AP3B1: variants seen among roughly 807,000 people sequenced by gnomAD.
AP3B1 encodes the protein adaptor related protein complex 3 subunit beta 1.
Under a neutral mutation model 132.5 loss-of-function variants are expected in AP3B1, and 61 were observed. The observed-to-expected ratio is 0.46, with a 90% confidence interval of 0.37 to 0.57. The LOEUF is 0.57. AP3B1 is among the 20% of genes least tolerant of loss of function. The pLI is 0.00. For synonymous variants in AP3B1, 388 were observed against 438.3 expected (o/e 0.89, Z 1.43); for missense variants, 1,120 against 1,289.4 (o/e 0.87, Z 2.01).
At chr5:78,135,787 A>C (rs1752886649) in intron 15 of AP3B1, among the ~76,000 whole-genome samples, 1 of 152,202 alleles carries the variant, frequency 6.6e-6, no homozygotes, top group African/African-American at 2.4e-5. Context: ...TTAAATTGTT[A>C]TTAATTTGTT....
At chr5:78,034,086 A>G (rs1343880625) in intron 24 of AP3B1, among the ~76,000 whole-genome samples, 4 of 151,974 alleles carry the variant, frequency 2.6e-5, no homozygotes, top group Non-Finnish European at 5.9e-5. Flanking sequence ...TAAGTTAAAA[A>G]TTACTTAGTA....
intron 7 of AP3B1, among the ~76,000 whole-genome samples, chr5:78,198,604 G>T (rs1745164893): frequency 6.6e-6 from 1 of 152,118 alleles, no homozygotes; most frequent in Admixed American, 6.6e-5. Flanking sequence ...TTGCCTTTAA[G>T]AATACCAACT....
chr5:78,158,736 G>A (rs1049256715), intron 13 of AP3B1, among the ~76,000 whole-genome samples: 5 of 149,718 alleles, frequency 3.3e-5, no homozygotes, highest in African/African-American at 7.4e-5. Context: ...TGCTCTTGTC[G>A]CTGAGGCTGG....
At chr5:78,170,773 T>C (rs939318345) in intron 11 of AP3B1, among the ~76,000 whole-genome samples, 1 of 152,230 alleles carries the variant, frequency 6.6e-6, no homozygotes, top group Non-Finnish European at 1.5e-5. Flanking sequence ...TTTGTTACCA[T>C]TGCTTTTGGT....
At chr5:78,241,010 T>C (rs879093880) in intron 2 of AP3B1, 74 bp from the exon 3 acceptor site, 9 of 1,058,778 alleles carry the variant, frequency 8.5e-6, no homozygotes, top group Middle Eastern at 2.7e-4. Flanking sequence ...GGTCAACAAA[T>C]AAGCTACGTA....
intron 1 of AP3B1, among the ~76,000 whole-genome samples, chr5:78,280,884 T>G (rs1316051102): frequency 1.3e-5 from 2 of 152,194 alleles, no homozygotes; most frequent in Non-Finnish European, 2.9e-5. Context: ...GTTCTAGACA[T>G]CTGTAGCACA....
Position 78,125,266 on chromosome 5 carries a change from T to C in AP3B1, c.1968+2764A>G, listed in dbSNP as rs1316243651. The stretch of plus-strand genomic sequence containing the variant: ...GGGATCATAATATAAATATATATTA[T>C]ATCCTATATCCTAGAAATGGTGGTG... On this transcript the variant is annotated intron_variant, in intron 17 of 26. Transcript: ENST00000255194. Among the ~76,000 whole-genome samples the C allele has an allele frequency of 2.0e-5, 3 of 152,248 alleles. No homozygotes were observed. The East Asian group carries it at 5.8e-4, about 29-fold the overall frequency.
chr5:78,214,991 A>C (rs1182410850), intron 7 of AP3B1, among the ~76,000 whole-genome samples: 1 of 152,158 alleles, frequency 6.6e-6, no homozygotes, highest in Middle Eastern at 3.2e-3. Flanking sequence ...AAAATTTCTA[A>C]ACAGTTTTTA....
Position 78,129,077 on chromosome 5 carries a change from A to G in AP3B1, c.1837+44T>C, listed in dbSNP as rs137931505. 503 of 1,533,646 alleles carry G rather than the reference A, an allele frequency of 3.3e-4. 2 individuals are homozygous for G. In the African/African-American group the frequency reaches 5.8e-3, roughly 18 times the overall value. The stretch of plus-strand genomic sequence containing the variant: ...TTAGAAATGGCAACATCTTGTCATA[A>G]TTTTTTAGATAACATATATTTTGGA... On this transcript the variant is annotated intron_variant, in intron 16 of 26. Coordinates refer to ENST00000255194, the MANE Select transcript of AP3B1 (RefSeq NM_003664.5).
intron 24 of AP3B1, among the ~76,000 whole-genome samples, chr5:78,027,502 A>T (rs1425583139): frequency 1.3e-5 from 2 of 152,054 alleles, no homozygotes; most frequent in East Asian, 1.9e-4. Flanking sequence ...GACTTTTTTC[A>T]CTAAAAATGT....
chr5:78,078,417 T>C lies in AP3B1; in HGVS notation c.2577+10976A>G, dbSNP rs1332014765. Among the ~76,000 whole-genome samples the C allele has an allele frequency of 2.0e-5, 3 of 152,176 alleles. No homozygotes were observed. The South Asian group carries it at 6.2e-4, about 32-fold the overall frequency. On this transcript the variant is annotated intron_variant, in intron 22 of 26. Transcript: ENST00000255194. ...CTGCTCTAAAATCTTCAGAACTCCT[T>C]TCAACTGTTTCACAATATGGCTTTC...
At chr5:78,289,765 T>G (rs4388194) in intron 1 of AP3B1, among the ~76,000 whole-genome samples, 35,127 of 152,070 alleles carry the variant, frequency 0.23, 4,646 homozygotes, top group Middle Eastern at 0.31. Flanking sequence ...TTATATCCTG[T>G]TGTCCCCTGG....
intron 6 of AP3B1, among the ~76,000 whole-genome samples, chr5:78,216,870 T>C (rs974120760): frequency 6.6e-5 from 10 of 152,124 alleles, no homozygotes; most frequent in African/African-American, 2.2e-4. Flanking sequence ...TGGAATAATA[T>C]ATTACTAACA....
chr5:78,240,785 T>C (rs1747099471), intron 3 of AP3B1, 77 bp downstream of exon 3: 1 of 956,906 alleles, frequency 1.0e-6, no homozygotes, highest in East Asian at 2.4e-5. Flanking sequence ...GTATCTTATG[T>C]TGCATTATAC....
chr5:78,005,316 T>C (rs1160043967), intron 26 of AP3B1, among the ~76,000 whole-genome samples: 3 of 152,204 alleles, frequency 2.0e-5, no homozygotes, highest in South Asian at 2.1e-4. Context: ...AAAAGCACTG[T>C]TGTTTGAATT....
intron 2 of AP3B1, among the ~76,000 whole-genome samples, chr5:78,244,470 C>T (rs1747287489): frequency 6.6e-6 from 1 of 151,858 alleles, no homozygotes; most frequent in Non-Finnish European, 1.5e-5. Context: ...AATGGAATTG[C>T]CATTTACTAT....
rs534480411 is a variant in AP3B1, at chr5:78,285,871, T to C, written c.128+8581A>G. On this transcript the variant is annotated intron_variant, in intron 1 of 26. Transcript: ENST00000255194. ...ACCCACTTCTCTCCACTACCACCAA[T>C]CGGATCACCTTCTCTTGCCTGAATT... 7.2e-5 allele frequency among the ~76,000 whole-genome samples: 11 copies of C among 152,218 alleles called. 1 individual carries two copies. The East Asian group carries it at 1.9e-3, about 27-fold the overall frequency.
At chr5:78,027,554 A>G (rs1266865363) in intron 24 of AP3B1, among the ~76,000 whole-genome samples, 1 of 152,140 alleles carries the variant, frequency 6.6e-6, no homozygotes, top group African/African-American at 2.4e-5. Flanking sequence ...GAATGTTAGA[A>G]GTTTGTCAAG....
At chr5:78,184,778 G>A (rs1218037311) in intron 7 of AP3B1, among the ~76,000 whole-genome samples, 3 of 151,756 alleles carry the variant, frequency 2.0e-5, no homozygotes, top group African/African-American at 7.3e-5. Flanking sequence ...GGAAGGAGAA[G>A]AGACAGAGGC....
Sources: gnomAD v4.1 joint callset for allele counts (sites outside exome capture counted in the v4.1 genomes callset) on GRCh38, gnomAD v4.1.1 for gene constraint, MANE v1.5 for transcripts, NCBI Gene and HGNC (gene_info 2026-07-23, HGNC 2026-07-21) for gene names.